The following DNAH11 variants were observed in gnomAD, a reference collection of about 807,000 sequenced individuals.
The protein encoded by DNAH11 is axonemal beta dynein heavy chain 11.
A neutral mutation model predicts 526.0 loss-of-function variants in DNAH11; 442 were observed. The observed-to-expected ratio is 0.84, with a 90% CI of 0.78 to 0.91. The LOEUF (loss-of-function observed/expected upper bound fraction) is 0.91, where lower values mean the gene tolerates loss of function less well. Among genes scored for constraint, DNAH11 ranks in the 40% least tolerant of loss-of-function variants. The pLI, the probability that DNAH11 is intolerant of heterozygous loss-of-function variation, is 0.00. For synonymous variants in DNAH11, 2,461 were observed against 1,935.9 expected, an observed-to-expected ratio of 1.27 and a Z score of -7.12; for missense variants, 6,989 against 5,448.7, an observed-to-expected ratio of 1.28 and a Z score of -8.90.
intron 30 of DNAH11, among the ~76,000 whole-genome samples, chr7:21,670,203 C>A (rs1007387348): frequency 3.3e-5 from 5 of 152,042 alleles, no homozygotes; most frequent in African/African-American, 1.2e-4. Flanking sequence ...TCTCTAATTT[C>A]TCTCAGCAAT....
chr7:21,565,806 T>C (rs555906074), intron 6 of DNAH11, among the ~76,000 whole-genome samples: 1 of 152,340 alleles, frequency 6.6e-6, no homozygotes, highest in South Asian at 2.1e-4. Flanking sequence ...AAATGTTAGT[T>C]GCCTTCTGTT....
chr7:21,877,929 T>C (rs1373993983), intron 74 of DNAH11, among the ~76,000 whole-genome samples: 1 of 136,346 alleles, frequency 7.3e-6, no homozygotes, highest in African/African-American at 2.7e-5. Flanking sequence ...AGTAAAGGAG[T>C]ACTCTTTTGG....
chr7:21,876,589 T>A (rs1013850025), intron 74 of DNAH11, among the ~76,000 whole-genome samples: 2 of 152,220 alleles, frequency 1.3e-5, no homozygotes, highest in African/African-American at 4.8e-5. Context: ...CATGAGAGTT[T>A]TACAGATAGT....
At chr7:21,798,267 TG>T (rs1788806140) in intron 61 of DNAH11, among the ~76,000 whole-genome samples, 1 of 152,194 alleles carries the variant, frequency 6.6e-6, no homozygotes, top group African/African-American at 2.4e-5. Flanking sequence ...GCTAATTTTT[TG>T]TATTTTTAGT....
intron 51 of DNAH11, among the ~76,000 whole-genome samples, chr7:21,746,966 A>C (rs1171773623): frequency 1.3e-5 from 2 of 152,162 alleles, no homozygotes; most frequent in African/African-American, 4.8e-5. Context: ...ATAATCCCTC[A>C]ATACAGAATT....
chr7:21,741,537 A>G (rs1248700305), intron 48 of DNAH11, among the ~76,000 whole-genome samples: 1 of 152,236 alleles, frequency 6.6e-6, no homozygotes, highest in Admixed American at 6.5e-5. Flanking sequence ...GACTGAGCTC[A>G]GTGACTGCTG....
At chr7:21,739,826 A>G (rs571942833) in intron 48 of DNAH11, among the ~76,000 whole-genome samples, 153 bp downstream of exon 48, 1 of 152,190 alleles carries the variant, frequency 6.6e-6, no homozygotes, top group Non-Finnish European at 1.5e-5. Context: ...AGGGGTTCTA[A>G]TAAGCCTTTT....
rs1166215870 is a variant in DNAH11 at position 21,789,350 on chromosome 7, C to A, written c.10026+8C>A. ...ATCAGGAAAAAGCTTGTGGTGAGTG[C>A]AAACTATGACATTGAAAAGGTTCCC... On this transcript the variant is annotated splice_region_variant and intron_variant, in intron 61 of 81. Transcript: ENST00000409508. 7 of 1,550,496 alleles carry A rather than the reference C, an allele frequency of 4.5e-6. 1 individual carries two copies. The South Asian group carries it at 8.4e-5, about 19-fold the overall frequency.
chr7:21,796,070 G>A (rs1788703341), intron 61 of DNAH11, among the ~76,000 whole-genome samples: 1 of 152,184 alleles, frequency 6.6e-6, no homozygotes, highest in African/African-American at 2.4e-5. Context: ...TGATCACACG[G>A]GAAATTGCAA....
intron 68 of DNAH11, among the ~76,000 whole-genome samples, chr7:21,856,886 T>C (rs1782871878): frequency 6.6e-6 from 1 of 152,174 alleles, no homozygotes; most frequent in Non-Finnish European, 1.5e-5. Context: ...ATACTTAATG[T>C]TGAAAATGGA....
intron 30 of DNAH11, among the ~76,000 whole-genome samples, chr7:21,660,340 A>G (rs1049088064): frequency 2.6e-5 from 4 of 152,062 alleles, no homozygotes; most frequent in South Asian, 2.1e-4. Context: ...AATTTCAGCT[A>G]TCCTCAATCA....
At chr7:21,614,371 G>C (rs912457392) in intron 20 of DNAH11, among the ~76,000 whole-genome samples, 8 of 152,258 alleles carry the variant, frequency 5.3e-5, no homozygotes, top group South Asian at 2.1e-4. Flanking sequence ...TACAGAAATA[G>C]CATCCAAAAG....
chr7:21,807,071 T>C (rs1259939799), intron 62 of DNAH11, among the ~76,000 whole-genome samples: 2 of 152,186 alleles, frequency 1.3e-5, no homozygotes, highest in Non-Finnish European at 1.5e-5. Context: ...ACTAATTAAG[T>C]AGAGTTGTGT....
chr7:21,801,095 T>A (rs1385534740), intron 61 of DNAH11, 42 bp from the exon 62 acceptor site: 2 of 1,566,256 alleles, frequency 1.3e-6, no homozygotes, highest in African/African-American at 2.7e-5. Context: ...TCTCTCTGTT[T>A]TAACTAAAAA....
intron 51 of DNAH11, among the ~76,000 whole-genome samples, chr7:21,747,260 A>G (rs1029939867): frequency 6.6e-6 from 1 of 152,180 alleles, no homozygotes; most frequent in Non-Finnish European, 1.5e-5. Flanking sequence ...TAATGTGATG[A>G]CTGAGCTTGT....
intron 54 of DNAH11, 136 bp from the exon 55 acceptor site, chr7:21,765,292 G>T (rs1285773696): frequency 7.9e-7 from 1 of 1,261,794 alleles, no homozygotes; most frequent in Non-Finnish European, 1.1e-6. Flanking sequence ...TAATGTTGCT[G>T]TCCACTCTCT....
chr7:21,546,753 C>T (rs980722431), intron 2 of DNAH11, among the ~76,000 whole-genome samples: 1 of 152,064 alleles, frequency 6.6e-6, no homozygotes, highest in Admixed American at 6.6e-5. Flanking sequence ...GAATGCTTAC[C>T]AAGACATAAA....
intron 23 of DNAH11, chr7:21,618,564 C>T (rs560917663): frequency 3.0e-4 from 48 of 160,018 alleles, no homozygotes; most frequent in African/African-American, 1.1e-3. Flanking sequence ...TGTCACAAGA[C>T]AATGTGGAAA....
intron 65 of DNAH11, among the ~76,000 whole-genome samples, chr7:21,836,555 A>G (rs538081512): frequency 1.3e-5 from 2 of 152,294 alleles, no homozygotes; most frequent in African/African-American, 4.8e-5. Flanking sequence ...GAAAAATGAA[A>G]CTAGACCCCT....
Sources: allele counts gnomAD v4.1 joint callset (sites outside exome capture counted in the v4.1 genomes callset), GRCh38; gene constraint gnomAD v4.1.1; transcripts MANE v1.5; gene names NCBI Gene and HGNC (gene_info 2026-07-23, HGNC 2026-07-21).